The following EPB41L1 variants were observed in gnomAD, a reference collection of about 807,000 sequenced individuals.
EPB41L1 encodes erythrocyte membrane protein band 4.1 like 1, also known as band 4.1-like protein 1.
In EPB41L1, 29 loss-of-function variants were observed where a neutral mutation model predicts 97.8. That is an observed-to-expected ratio of 0.30 (90% CI 0.22 to 0.40). EPB41L1 has a LOEUF of 0.40. EPB41L1 is among the 10% of genes least tolerant of loss of function. The pLI, the probability that EPB41L1 is intolerant of heterozygous loss-of-function variation, is 1.00. For synonymous variants in EPB41L1, 383 were observed against 459.2 expected, an observed-to-expected ratio of 0.83 and a Z score of 2.12; for missense variants, 812 against 1,162.3, an observed-to-expected ratio of 0.70 and a Z score of 4.38.
At chr20:36,199,435 A>C (rs1177711266) in intron 14 of EPB41L1, among the ~76,000 whole-genome samples, 1 of 152,208 alleles carries the variant, frequency 6.6e-6, no homozygotes, top group Non-Finnish European at 1.5e-5. Flanking sequence ...TTGGTGATGC[A>C]CCCATGATCT....
intron 1 of EPB41L1, among the ~76,000 whole-genome samples, chr20:36,094,072 C>A (rs1389777270): frequency 6.6e-6 from 1 of 152,206 alleles, no homozygotes; most frequent in Non-Finnish European, 1.5e-5. Context: ...TCTCCAAGTA[C>A]TGGTGCATAC....
chr20:36,128,296 G>T (rs1263590179), intron 2 of EPB41L1, among the ~76,000 whole-genome samples: 1 of 152,202 alleles, frequency 6.6e-6, no homozygotes, highest in Non-Finnish European at 1.5e-5. Flanking sequence ...AACAAGGCAG[G>T]GAGATGGGGA....
At chr20:36,109,298 C>A (rs2058311002) in intron 1 of EPB41L1, among the ~76,000 whole-genome samples, 1 of 152,170 alleles carries the variant, frequency 6.6e-6, no homozygotes, top group South Asian at 2.1e-4. Context: ...GGTCCTCATC[C>A]TGGCCACGCC....
intron 13 of EPB41L1, among the ~76,000 whole-genome samples, chr20:36,196,417 G>A (rs1171918616): frequency 6.6e-6 from 1 of 152,222 alleles, no homozygotes; most frequent in African/African-American, 2.4e-5. Context: ...CCACATCTCA[G>A]GTTGGGACTC....
At chr20:36,169,565 G>A (rs1173955501) in intron 1 of EPB41L1, among the ~76,000 whole-genome samples, 1 of 152,236 alleles carries the variant, frequency 6.6e-6, no homozygotes, top group African/African-American at 2.4e-5. Context: ...AGGCTGTTTG[G>A]TGCTCACCTT....
At chr20:36,110,253 A>G (rs2058346945) in intron 1 of EPB41L1, among the ~76,000 whole-genome samples, 1 of 152,032 alleles carries the variant, frequency 6.6e-6, no homozygotes, top group Non-Finnish European at 1.5e-5. Flanking sequence ...GACATTGTTT[A>G]GTACAACGGT....
chr20:36,192,589 G>A (rs2062013291), intron 11 of EPB41L1, among the ~76,000 whole-genome samples: 1 of 151,722 alleles, frequency 6.6e-6, no homozygotes, highest in Non-Finnish European at 1.5e-5. Flanking sequence ...GGAAACCGTG[G>A]ATACTCCCAG....
intron 1 of EPB41L1, among the ~76,000 whole-genome samples, chr20:36,159,750 C>T (rs190670443): frequency 1.3e-5 from 2 of 152,364 alleles, no homozygotes; most frequent in Non-Finnish European, 2.9e-5. Flanking sequence ...ACTAACCACT[C>T]ACTATCTTCG....
At chr20:36,203,820 G>A (rs1270280926) in intron 14 of EPB41L1, among the ~76,000 whole-genome samples, 1 of 152,122 alleles carries the variant, frequency 6.6e-6, no homozygotes, top group East Asian at 1.9e-4. Flanking sequence ...AATGGGTTCT[G>A]ATTCCCTGAC....
chr20:36,123,597 T>A (rs908922163), intron 2 of EPB41L1, among the ~76,000 whole-genome samples: 2 of 152,214 alleles, frequency 1.3e-5, no homozygotes, highest in Admixed American at 6.5e-5. Flanking sequence ...TCCACCATCA[T>A]ACCTGGCTAA....
In EPB41L1 at chr20:36,121,190, G is replaced by A. The variant is rs1372567747; in HGVS notation, c.-10+8710G>A. Among the ~76,000 whole-genome samples the A allele has an allele frequency of 2.0e-5, 3 of 151,994 alleles. No homozygotes were observed. In the South Asian group the frequency reaches 6.2e-4, roughly 32 times the overall value. Reference sequence around the variant, plus strand: ...GCCCTCAGTAGACACGGAATCTGCTGGCACCCTGATCTTTGACTTCTCACA... The same window carrying A: ...GCCCTCAGTAGACACGGAATCTGCTAGCACCCTGATCTTTGACTTCTCACA... On this transcript the variant is annotated intron_variant, in intron 2 of 19. Transcript: ENST00000202028.
intron 14 of EPB41L1, among the ~76,000 whole-genome samples, chr20:36,205,575 A>G (rs6121179): frequency 0.34 from 51,482 of 152,050 alleles, 12,077 homozygotes; most frequent in African/African-American, 0.67. Flanking sequence ...CTGACATGGG[A>G]AGGGCATAAG....
At chr20:36,140,302 C>T (rs1409345524) in intron 2 of EPB41L1, among the ~76,000 whole-genome samples, 1 of 150,938 alleles carries the variant, frequency 6.6e-6, no homozygotes, top group Non-Finnish European at 1.5e-5. Context: ...AACTCCTGGC[C>T]TCAAGTGATC....
rs1016874639 is a variant in EPB41L1 at position 36,185,414 on chromosome 20, C to T, written c.785+79C>T. On this transcript the variant is annotated intron_variant, in intron 7 of 21. Coordinates refer to ENST00000338074, the MANE Select transcript of EPB41L1 (RefSeq NM_012156.2). ...CCTTGCAGGCCTGAATGTCCTAGGC[C>T]GCCACATACTGTGCTGTTTGTACCC... The T allele has an allele frequency of 1.1e-5, 15 of 1,355,792 alleles. No homozygotes were observed. In the Admixed American group the frequency reaches 1.5e-4, roughly 14 times the overall value. The allele number at this position is 1,355,792 out of a possible 1,614,324, so 84.0% of individuals were successfully genotyped here.
rs190944931 is a variant in EPB41L1, at chr20:36,211,288, G to A, written c.2080-984G>A. Among the ~76,000 whole-genome samples the A allele has an allele frequency of 2.8e-3, 425 of 152,264 alleles. 2 individuals are homozygous for A. The highest frequency in any genetic ancestry group is 3.1e-3 in the Non-Finnish European group (208 of 68,022). ...TGTAATCCCAACTACTCGGGAGGCA[G>A]GAGAATCACTTGAACTCAGGAGGCA... On this transcript the variant is annotated intron_variant, in intron 15 of 21. Transcript: ENST00000338074.
intron 21 of EPB41L1, among the ~76,000 whole-genome samples, chr20:36,227,267 T>C (rs78969465): frequency 0.023 from 3,485 of 152,114 alleles, 131 homozygotes; most frequent in African/African-American, 0.08. Context: ...CAATGAGCTA[T>C]GATCGCGCCA....
chr20:36,196,185 G>T (rs550350717), intron 13 of EPB41L1, among the ~76,000 whole-genome samples: 2 of 152,260 alleles, frequency 1.3e-5, no homozygotes, highest in South Asian at 4.2e-4. Context: ...CTGAGATCTG[G>T]GTTTCAACCC....
At chr20:36,103,395 C>G (rs1384444789) in intron 1 of EPB41L1, among the ~76,000 whole-genome samples, 1 of 152,176 alleles carries the variant, frequency 6.6e-6, no homozygotes, top group Non-Finnish European at 1.5e-5. Context: ...TGGTTTCTCA[C>G]AGGGCCCCTC....
chr20:36,176,420 C>T (rs994506477), intron 3 of EPB41L1, among the ~76,000 whole-genome samples: 2 of 152,110 alleles, frequency 1.3e-5, no homozygotes, highest in Non-Finnish European at 2.9e-5. Context: ...CTATCCCTGC[C>T]GAGGCAGCAT....
Sources: allele counts gnomAD v4.1 joint callset (sites outside exome capture counted in the v4.1 genomes callset), GRCh38; gene constraint gnomAD v4.1.1; transcripts MANE v1.5; gene names NCBI Gene and HGNC (gene_info 2026-07-23, HGNC 2026-07-21).